The following FAM184B variants were observed in gnomAD, a reference collection of about 807,000 sequenced individuals.
The protein encoded by FAM184B is family with sequence similarity 184 member B.
A neutral mutation model predicts 135.9 loss-of-function variants in FAM184B; 111 were observed. That is an observed-to-expected ratio of 0.82 (90% CI 0.70 to 0.96). The LOEUF is 0.96. Among genes scored for constraint, FAM184B ranks in the 40% least tolerant of loss-of-function variants. The pLI, the probability that FAM184B is intolerant of heterozygous loss-of-function variation, is 0.00. For synonymous variants in FAM184B, 552 were observed against 524.8 expected (o/e 1.05, Z -0.71); for missense variants, 1,375 against 1,323.9 (o/e 1.04, Z -0.60).
intron 15 of FAM184B, 68 bp downstream of exon 15, chr4:17,636,460 C>A: frequency 8.3e-7 from 1 of 1,204,470 alleles, no homozygotes; most frequent in Non-Finnish European, 1.2e-6. Flanking sequence ...TGCAAGTGAA[C>A]GCCCCTCCCG....
At chr4:17,706,027 T>G (rs1452599197) in intron 3 of FAM184B, 136 bp from the exon 4 acceptor site, 1 of 1,177,628 alleles carries the variant, frequency 8.5e-7, no homozygotes, top group African/African-American at 1.5e-5. Context: ...TGCCCTGTGG[T>G]CTGCTGACCC....
At chr4:17,759,971 C>T (rs1435665470) in intron 1 of FAM184B, among the ~76,000 whole-genome samples, 1 of 152,170 alleles carries the variant, frequency 6.6e-6, no homozygotes, top group Non-Finnish European at 1.5e-5. Context: ...TGCAAGCAGA[C>T]TGTGGCAGCC....
chr4:17,733,787 C>A (rs1447515034), intron 1 of FAM184B, among the ~76,000 whole-genome samples: 16 of 152,320 alleles, frequency 1.1e-4, no homozygotes, highest in Admixed American at 3.3e-4. Context: ...CCATCCCTAT[C>A]AAGCTACCAA....
chr4:17,717,676 T>C (rs1717426802), intron 1 of FAM184B, among the ~76,000 whole-genome samples: 1 of 152,038 alleles, frequency 6.6e-6, no homozygotes, highest in Non-Finnish European at 1.5e-5. Context: ...CCTGTTAGGG[T>C]CGTAGAGATT....
intron 1 of FAM184B, among the ~76,000 whole-genome samples, chr4:17,754,420 G>A (rs941240488): frequency 1.3e-5 from 2 of 151,882 alleles, no homozygotes; most frequent in Admixed American, 6.6e-5. Flanking sequence ...GCATGGTAGC[G>A]CATGCCTATA....
At chr4:17,647,909 G>A (rs1296782013) in intron 11 of FAM184B, 118 bp from the exon 12 acceptor site, 18 of 1,168,474 alleles carry the variant, frequency 1.5e-5, no homozygotes, top group Non-Finnish European at 2.0e-5. Context: ...AAGGCTTGTG[G>A]TGGGTTAGGT....
In FAM184B at chr4:17,672,500, A is replaced by G. The variant is rs563824309; in HGVS notation, c.1597-7841T>C. 9.9e-5 allele frequency among the ~76,000 whole-genome samples: 15 copies of G among 152,242 alleles called. No individual in the cohort carries two copies. The South Asian group carries it at 2.9e-3, about 29-fold the overall frequency. ...CCATTCTACTGAATTTTTTCCATTC[A>G]GTAGAATGTGGGTTTGTCATAGATG... On this transcript the variant is annotated intron_variant, in intron 7 of 17. Coordinates refer to ENST00000265018, the MANE Select transcript of FAM184B (RefSeq NM_015688.2).
chr4:17,640,308 TAAAAATACA>T (rs1345373537), intron 13 of FAM184B, among the ~76,000 whole-genome samples: 142 of 82,398 alleles, frequency 1.7e-3, no homozygotes, highest in Admixed American at 6.0e-3. Flanking sequence ...TCGTCTCTAC[TAAAAATACA>T]AAAAAAAAAA....
Position 17,709,288 on chromosome 4 carries a change from C to G in FAM184B, c.498G>C (p.Thr166=), listed in dbSNP as rs762713615. ...GGCCCTGCGGGGTAGCCTCGTGGCT[C>G]GTCAGGTGCTGGAGCCTCCTCTCGT... The part of the protein sequence containing the change: ...ADYERRLQHL[T]SHEATPQGRL... Residue 166 remains threonine, a synonymous_variant, in exon 2 of 18, where the codon ACG becomes ACC. Coordinates refer to ENST00000265018, the MANE Select transcript of FAM184B (RefSeq NM_015688.2). 4.5e-6 allele frequency: 7 copies of G among 1,548,736 alleles called. No homozygotes were observed. The East Asian group carries it at 1.7e-4, about 38-fold the overall frequency.
intron 6 of FAM184B, among the ~76,000 whole-genome samples, chr4:17,692,594 T>G (rs1187961124): frequency 1.3e-5 from 2 of 152,190 alleles, no homozygotes; most frequent in Non-Finnish European, 2.9e-5. Context: ...CGATACTGTT[T>G]TGCGCATGGC....
At chr4:17,636,465 C>T in intron 15 of FAM184B, 63 bp downstream of exon 15, 3 of 1,304,292 alleles carry the variant, frequency 2.3e-6, no homozygotes, top group South Asian at 2.5e-5. Flanking sequence ...GTGAACGCCC[C>T]TCCCGGGGGA....
intron 14 of FAM184B, among the ~76,000 whole-genome samples, chr4:17,638,818 G>T (rs751515550): frequency 6.6e-6 from 1 of 152,120 alleles, no homozygotes; most frequent in Non-Finnish European, 1.5e-5. Context: ...GGAGACTGAT[G>T]AGCCCCTGGC....
intron 7 of FAM184B, among the ~76,000 whole-genome samples, chr4:17,668,999 A>G (rs547201269): frequency 6.6e-6 from 1 of 152,346 alleles, no homozygotes; most frequent in East Asian, 1.9e-4. Flanking sequence ...TGTAAAAGTA[A>G]TCCCAGATAT....
At chr4:17,719,013 G>T (rs145874260) in intron 1 of FAM184B, among the ~76,000 whole-genome samples, 189 of 152,336 alleles carry the variant, frequency 1.2e-3, no homozygotes, top group African/African-American at 4.4e-3. Flanking sequence ...ATGTCTGAAA[G>T]CTTGGCTGGT....
intron 1 of FAM184B, among the ~76,000 whole-genome samples, chr4:17,730,947 C>A (rs962091854): frequency 6.6e-6 from 1 of 152,110 alleles, no homozygotes; most frequent in African/African-American, 2.4e-5. Flanking sequence ...AATGCAGAAG[C>A]CCCAGGAGCC....
At chr4:17,716,861 G>A (rs1717409409) in intron 1 of FAM184B, among the ~76,000 whole-genome samples, 1 of 152,038 alleles carries the variant, frequency 6.6e-6, no homozygotes, top group Non-Finnish European at 1.5e-5. Context: ...CTTCCAGGCT[G>A]AAGTGCAGTG....
chr4:17,650,970 G>A (rs1347371629), intron 11 of FAM184B, among the ~76,000 whole-genome samples: 3 of 151,968 alleles, frequency 2.0e-5, no homozygotes, highest in Non-Finnish European at 4.4e-5. Context: ...CTGACCTCAC[G>A]TGATCCTCTC....
In FAM184B at chr4:17,677,952, A is replaced by G. The variant is rs1385826641; in HGVS notation, c.1596+10472T>C. 3.0e-5 allele frequency among the ~76,000 whole-genome samples: 4 copies of G among 134,694 alleles called. No individual in the cohort carries two copies. In the East Asian group the frequency reaches 1.0e-3, roughly 35 times the overall value. The allele number at this position is 134,694 out of a possible 152,430, so 88.4% of individuals were successfully genotyped here. ...TCATCTCAATAGATGCAGAAAAAGCATCTGACAAAATCCAGCATCCCTTTA... is the reference window on the plus strand; with the variant it reads ...TCATCTCAATAGATGCAGAAAAAGCGTCTGACAAAATCCAGCATCCCTTTA... On this transcript the variant is annotated intron_variant, in intron 7 of 17. Coordinates refer to ENST00000265018, the MANE Select transcript of FAM184B (RefSeq NM_015688.2).
chr4:17,683,740 A>G (rs964591400), intron 7 of FAM184B, among the ~76,000 whole-genome samples: 14 of 152,138 alleles, frequency 9.2e-5, no homozygotes, highest in Non-Finnish European at 1.5e-4. Flanking sequence ...AGGGAAGTAT[A>G]CTGATATATT....
Sources: gnomAD v4.1 joint callset for allele counts (sites outside exome capture counted in the v4.1 genomes callset) on GRCh38, gnomAD v4.1.1 for gene constraint, MANE v1.5 for transcripts, NCBI Gene and HGNC (gene_info 2026-07-23, HGNC 2026-07-21) for gene names.